KCNMB2: variants seen among roughly 807,000 people sequenced by gnomAD.
KCNMB2 encodes the protein calcium-activated potassium channel subunit beta-2.
KCNMB2 carries 9 observed loss-of-function variants against 24.5 expected under a neutral mutation model. The observed-to-expected ratio is 0.37, with a 90% CI of 0.22 to 0.64. The LOEUF (loss-of-function observed/expected upper bound fraction) is 0.64. Ranked by LOEUF, KCNMB2 falls within the 30% of genes least tolerant of loss-of-function variation. The probability of loss-of-function intolerance (pLI) is 0.63; values close to 1 mark genes in which losing one functional copy is unlikely to be tolerated. For missense variants in KCNMB2, 226 were observed against 284.3 expected (o/e 0.79, Z 1.47); for synonymous variants, 109 against 104.4 (o/e 1.04, Z -0.27).
intron 1 of KCNMB2, among the ~76,000 whole-genome samples, chr3:178,775,640 G>A (rs1712549646): frequency 6.6e-6 from 1 of 152,180 alleles, no homozygotes; most frequent in South Asian, 2.1e-4. Flanking sequence ...CCCTTCTAGA[G>A]TATTTGGGAA....
chr3:178,802,580 T>TAA (rs1314123087), intron 1 of KCNMB2, among the ~76,000 whole-genome samples: 1 of 152,126 alleles, frequency 6.6e-6, no homozygotes, highest in Non-Finnish European at 1.5e-5. Context: ...CCTGAGAGGT[T>TAA]ATAGTCATGT....
chr3:178,567,263 C>T (rs1716561210), intron 1 of KCNMB2, among the ~76,000 whole-genome samples: 1 of 151,972 alleles, frequency 6.6e-6, no homozygotes, highest in Non-Finnish European at 1.5e-5. Context: ...AAATAGCTCA[C>T]TTAAGCATGG....
intron 1 of KCNMB2, among the ~76,000 whole-genome samples, chr3:178,776,387 C>T (rs1190149520): frequency 6.6e-6 from 1 of 152,152 alleles, no homozygotes; most frequent in Non-Finnish European, 1.5e-5. Flanking sequence ...CACCCCTACC[C>T]TTGGTTGGAG....
intron 1 of KCNMB2, among the ~76,000 whole-genome samples, chr3:178,727,055 A>G (rs895007927): frequency 2.0e-5 from 3 of 152,148 alleles, no homozygotes; most frequent in Admixed American, 6.6e-5. Flanking sequence ...CTGCTAATTA[A>G]ATTAGAATAA....
At chr3:178,732,797 T>A (rs1191772478) in intron 1 of KCNMB2, among the ~76,000 whole-genome samples, 3 of 152,206 alleles carry the variant, frequency 2.0e-5, no homozygotes, top group Non-Finnish European at 4.4e-5. Context: ...CACAGGAACC[T>A]AACTCTGTAT....
intron 1 of KCNMB2, among the ~76,000 whole-genome samples, chr3:178,590,784 A>G (rs932845894): frequency 5.9e-5 from 9 of 152,210 alleles, no homozygotes; most frequent in Non-Finnish European, 1.2e-4. Flanking sequence ...TGAGTGTATC[A>G]TGCCAGTGCC....
chr3:178,683,803 A>G (rs1161731881), intron 1 of KCNMB2, among the ~76,000 whole-genome samples: 1 of 152,224 alleles, frequency 6.6e-6, no homozygotes, highest in Admixed American at 6.5e-5. Flanking sequence ...AAAAAGTCAA[A>G]AGGTAAATAT....
intron 1 of KCNMB2, among the ~76,000 whole-genome samples, chr3:178,702,754 T>C (rs1722146525): frequency 1.3e-5 from 2 of 152,060 alleles, no homozygotes; most frequent in South Asian, 4.1e-4. Context: ...AGACCATCAC[T>C]GTCAAATCTT....
intron 1 of KCNMB2, among the ~76,000 whole-genome samples, chr3:178,626,181 C>A (rs1719111085): frequency 6.6e-6 from 1 of 152,136 alleles, no homozygotes; most frequent in African/African-American, 2.4e-5. Context: ...AGAGATCTTG[C>A]AAAAAGGCAA....
chr3:178,745,435 G>A (rs890526622), intron 1 of KCNMB2, among the ~76,000 whole-genome samples: 12 of 152,040 alleles, frequency 7.9e-5, no homozygotes, highest in Admixed American at 5.9e-4. Context: ...CTCCCACTCG[G>A]TCCCTCCCAC....
intron 4 of KCNMB2, among the ~76,000 whole-genome samples, chr3:178,838,907 A>T (rs1715329584): frequency 6.6e-6 from 1 of 152,022 alleles, no homozygotes; most frequent in Non-Finnish European, 1.5e-5. Context: ...TGAGTTTTAT[A>T]AAAAAAATAA....
At chr3:178,773,558 T>C (rs897755003) in intron 1 of KCNMB2, among the ~76,000 whole-genome samples, 3 of 152,244 alleles carry the variant, frequency 2.0e-5, no homozygotes, top group Non-Finnish European at 2.9e-5. Flanking sequence ...ATGAGGAGAA[T>C]GTGCATATCT....
chr3:178,758,233 TCC>T (rs2108400793), intron 1 of KCNMB2, among the ~76,000 whole-genome samples: 1 of 32,844 alleles, frequency 3.0e-5, no homozygotes, highest in East Asian at 7.4e-4. Flanking sequence ...TATATATATA[TCC>T]AAGGGGATAT....
intron 1 of KCNMB2, among the ~76,000 whole-genome samples, chr3:178,602,609 G>C (rs1186647611): frequency 1.3e-5 from 2 of 151,980 alleles, no homozygotes; most frequent in African/African-American, 4.8e-5. Flanking sequence ...AAGCCAGAGG[G>C]ACAAGGAGGA....
At chr3:178,608,099 A>T (rs1185733511) in intron 1 of KCNMB2, among the ~76,000 whole-genome samples, 2 of 152,236 alleles carry the variant, frequency 1.3e-5, no homozygotes, top group African/African-American at 4.8e-5. Flanking sequence ...ACTTTGAAAG[A>T]GGTAAGAGCA....
chr3:178,551,491 C>T (rs1049290120), intron 1 of KCNMB2, among the ~76,000 whole-genome samples: 10 of 152,316 alleles, frequency 6.6e-5, no homozygotes, highest in Admixed American at 3.3e-4. Context: ...TTCGGCCTTT[C>T]GAACCTTCTT....
chr3:178,757,924 G>GAT (rs1184858968), intron 1 of KCNMB2, among the ~76,000 whole-genome samples: 2 of 117,690 alleles, frequency 1.7e-5, no homozygotes, highest in Admixed American at 9.3e-5. Context: ...TATCCAAGAG[G>GAT]ATATATATAT....
At chr3:178,794,965 T>C (rs1358980904) in intron 1 of KCNMB2, among the ~76,000 whole-genome samples, 1 of 152,068 alleles carries the variant, frequency 6.6e-6, no homozygotes, top group Non-Finnish European at 1.5e-5. Flanking sequence ...GCCTAGGGTG[T>C]AAAAAACAGT....
intron 1 of KCNMB2, among the ~76,000 whole-genome samples, chr3:178,658,338 G>A (rs1257730300): frequency 6.6e-6 from 1 of 152,158 alleles, no homozygotes; most frequent in East Asian, 1.9e-4. Context: ...AGCTGCTAGT[G>A]TTTTCATCAT....
Sources: gnomAD v4.1 joint callset for allele counts (sites outside exome capture counted in the v4.1 genomes callset) on GRCh38, gnomAD v4.1.1 for gene constraint, MANE v1.5 for transcripts, NCBI Gene and HGNC (gene_info 2026-07-23, HGNC 2026-07-21) for gene names.